UGP2: variants seen among roughly 807,000 people sequenced by gnomAD.
The protein encoded by UGP2 is UTP--glucose-1-phosphate uridylyltransferase.
UGP2 carries 40 observed loss-of-function variants against 49.0 expected under a neutral mutation model. The observed-to-expected ratio is 0.82, with a 90% CI of 0.63 to 1.06. The LOEUF (loss-of-function observed/expected upper bound fraction) is 1.06, where lower values mean the gene tolerates loss of function less well. UGP2 is among the 50% of genes least tolerant of loss of function. The pLI is 0.00. For missense variants in UGP2, 460 were observed against 603.5 expected, an observed-to-expected ratio of 0.76 and a Z score of 2.49; for synonymous variants, 225 against 213.0, an observed-to-expected ratio of 1.06 and a Z score of -0.49.
At chr2:63,890,467 TGTA>T (rs953682544) in intron 9 of UGP2, among the ~76,000 whole-genome samples, 1 of 152,224 alleles carries the variant, frequency 6.6e-6, no homozygotes, top group African/African-American at 2.4e-5. Flanking sequence ...TTTACATTAT[TGTA>T]GTACTCAGGT....
intron 3 of UGP2, among the ~76,000 whole-genome samples, chr2:63,869,443 T>C (rs1377381885): frequency 6.6e-6 from 1 of 152,252 alleles, no homozygotes; most frequent in African/African-American, 2.4e-5. Flanking sequence ...TTGTATTAAC[T>C]GCTGTTTGAA....
chr2:63,877,528 C>G (rs950489164), intron 3 of UGP2, among the ~76,000 whole-genome samples: 7 of 152,192 alleles, frequency 4.6e-5, no homozygotes, highest in Non-Finnish European at 1.0e-4. Flanking sequence ...TGCACTTGTT[C>G]CTTCACACAG....
chr2:63,871,906 CAG>C (rs1670581137), intron 3 of UGP2, among the ~76,000 whole-genome samples: 1 of 152,136 alleles, frequency 6.6e-6, no homozygotes, highest in Non-Finnish European at 1.5e-5. Flanking sequence ...TTTCTTAAAT[CAG>C]GGGTTGGCAA....
At chr2:63,852,239 A>G (rs1420816340) in intron 1 of UGP2, among the ~76,000 whole-genome samples, 1 of 152,212 alleles carries the variant, frequency 6.6e-6, no homozygotes, top group Admixed American at 6.5e-5. Flanking sequence ...AGTATAATCT[A>G]CCAGAGCTAC....
intron 3 of UGP2, among the ~76,000 whole-genome samples, chr2:63,864,607 A>G (rs534549773): frequency 1.2e-4 from 19 of 152,280 alleles, no homozygotes; most frequent in African/African-American, 2.6e-4. Flanking sequence ...TCCTTAGCTA[A>G]TAAGGCAGAA....
chr2:63,886,847 T>G (rs1392058755), intron 7 of UGP2, among the ~76,000 whole-genome samples: 1 of 152,224 alleles, frequency 6.6e-6, no homozygotes, highest in African/African-American at 2.4e-5. Context: ...ATCGGTACTT[T>G]GCATGAGTTT....
rs187785443 is a variant in UGP2, at chr2:63,868,973, A to G, written c.255+11037A>G. Among the ~76,000 whole-genome samples the G allele has an allele frequency of 7.9e-5, 12 of 152,306 alleles. No homozygotes were observed. In the East Asian group the frequency reaches 2.3e-3, roughly 29 times the overall value. ...AGAGTGAAACTCCATCTCAAAAAAA[A>G]AAAAAGAAAGTATATCAATTTGCAC... On this transcript the variant is annotated intron_variant, in intron 3 of 9. Coordinates refer to ENST00000337130, the MANE Select transcript of UGP2 (RefSeq NM_006759.4).
chr2:63,884,923 AAAG>A (rs1470205901), intron 5 of UGP2, among the ~76,000 whole-genome samples: 3 of 151,172 alleles, frequency 2.0e-5, no homozygotes, highest in East Asian at 1.9e-4. Context: ...TAAAAATAAA[AAAG>A]AAGGACATTT....
At chr2:63,865,794 C>A (rs926299700) in intron 3 of UGP2, among the ~76,000 whole-genome samples, 2 of 152,070 alleles carry the variant, frequency 1.3e-5, no homozygotes, top group African/African-American at 4.8e-5. Context: ...CTAGGTCTCC[C>A]AAAGTGCTGG....
At chr2:63,842,348 G>C (rs774329852) in intron 1 of UGP2, 144 bp downstream of exon 1, 5 of 1,602,580 alleles carry the variant, frequency 3.1e-6, no homozygotes, top group Middle Eastern at 3.3e-4. Context: ...TGTCATCTGA[G>C]CTGCCTTGAG....
At chr2:63,865,359 A>G (rs963930662) in intron 3 of UGP2, among the ~76,000 whole-genome samples, 7 of 152,150 alleles carry the variant, frequency 4.6e-5, no homozygotes, top group East Asian at 1.9e-4. Context: ...CAGGCATGCA[A>G]TAGCAAGCCA....
chr2:63,864,848 A>G (rs1427029677), intron 3 of UGP2, among the ~76,000 whole-genome samples: 1 of 152,218 alleles, frequency 6.6e-6, no homozygotes, highest in Admixed American at 6.5e-5. Flanking sequence ...ACAAATATTT[A>G]TTGACTAGCT....
chr2:63,844,390 A>G (rs1254093760), intron 1 of UGP2, among the ~76,000 whole-genome samples: 1 of 152,130 alleles, frequency 6.6e-6, no homozygotes, highest in Non-Finnish European at 1.5e-5. Flanking sequence ...TTAGTAGTTC[A>G]TGCTCCTTCA....
intron 3 of UGP2, among the ~76,000 whole-genome samples, chr2:63,868,518 G>C (rs938430582): frequency 2.0e-5 from 3 of 152,126 alleles, no homozygotes; most frequent in Non-Finnish European, 4.4e-5. Context: ...GGGTAGGTTG[G>C]TTCTGATTTT....
intron 3 of UGP2, among the ~76,000 whole-genome samples, chr2:63,881,348 T>TACAC (rs34467113): frequency 0.029 from 4,282 of 145,864 alleles, 72 homozygotes; most frequent in Non-Finnish European, 0.029. Context: ...ACCTACCCAT[T>TACAC]ACACACACAC....
chr2:63,872,392 AAGT>A (rs1348545131), intron 3 of UGP2, among the ~76,000 whole-genome samples: 2 of 152,198 alleles, frequency 1.3e-5, no homozygotes, highest in Non-Finnish European at 2.9e-5. Context: ...TGAATCAGTG[AAGT>A]AGTAATAATA....
At chr2:63,890,292 C>G (rs529034843) in intron 9 of UGP2, 107 bp downstream of exon 9, 13 of 725,728 alleles carry the variant, frequency 1.8e-5, no homozygotes, top group Non-Finnish European at 2.4e-5. Context: ...AGTCTTAGTG[C>G]CACCTTAATT....
At chr2:63,851,685 CGAACAATCTTATA>C (rs1212307516) in intron 1 of UGP2, among the ~76,000 whole-genome samples, 1 of 152,106 alleles carries the variant, frequency 6.6e-6, no homozygotes, top group African/African-American at 2.4e-5. Flanking sequence ...TGCATGGTTT[CGAACAATCTTATA>C]GTTAGGATGC....
Position 63,887,768 on chromosome 2 carries a change from T to G in UGP2, c.1314+124T>G, listed in dbSNP as rs1053736187. On this transcript the variant is annotated intron_variant, in intron 8 of 9. Coordinates refer to ENST00000337130, the MANE Select transcript of UGP2 (RefSeq NM_006759.4). ...ACTGACCTGTTGTATTCCTCTGTCT[T>G]TGATACCTTTTAAAGGGAATTGACC... The G allele has an allele frequency of 9.5e-6, 12 of 1,261,932 alleles. No individual in the cohort carries two copies. The African/African-American group carries it at 1.7e-4, about 18-fold the overall frequency. The allele number at this position is 1,261,932 out of a possible 1,614,324, so 78.2% of individuals were successfully genotyped here. A position where few individuals can be genotyped will look rare whatever the true frequency, so the allele number is the denominator to read the frequency against.
Sources: allele counts gnomAD v4.1 joint callset (sites outside exome capture counted in the v4.1 genomes callset), GRCh38; gene constraint gnomAD v4.1.1; transcripts MANE v1.5; gene names NCBI Gene and HGNC (gene_info 2026-07-23, HGNC 2026-07-21).